The following PTPRR variants were observed in gnomAD, a reference collection of about 807,000 sequenced individuals.
PTPRR encodes the protein receptor-type tyrosine-protein phosphatase R.
Under a neutral mutation model 77.2 loss-of-function variants are expected in PTPRR, and 38 were observed. The ratio of observed to expected loss-of-function variants is 0.49; its 90% CI spans 0.38 to 0.65. The LOEUF (loss-of-function observed/expected upper bound fraction) is 0.65, where lower values mean the gene tolerates loss of function less well. Ranked by LOEUF, PTPRR falls within the 30% of genes least tolerant of loss-of-function variation. PTPRR has a pLI of 0.00. For missense variants in PTPRR, 744 were observed against 799.2 expected, an observed-to-expected ratio of 0.93 and a Z score of 0.83; for synonymous variants, 299 against 283.1, an observed-to-expected ratio of 1.06 and a Z score of -0.57.
At chr12:70,812,412 C>A (rs1891825393) in intron 2 of PTPRR, among the ~76,000 whole-genome samples, 1 of 152,144 alleles carries the variant, frequency 6.6e-6, no homozygotes, top group South Asian at 2.1e-4. Context: ...TTTACTATCC[C>A]AGGTGGACTA....
chr12:70,698,568 T>G (rs1888314024), intron 7 of PTPRR, among the ~76,000 whole-genome samples: 1 of 152,172 alleles, frequency 6.6e-6, no homozygotes, highest in Admixed American at 6.5e-5. Flanking sequence ...TAGAAAATAT[T>G]GCTTAATATG....
chr12:70,821,604 C>G (rs1001693562), intron 2 of PTPRR, among the ~76,000 whole-genome samples: 5 of 151,950 alleles, frequency 3.3e-5, no homozygotes, highest in Non-Finnish European at 7.4e-5. Flanking sequence ...GCTAGTGCAG[C>G]TGGAGCTTAC....
chr12:70,900,379 G>C (rs147069290), intron 1 of PTPRR, among the ~76,000 whole-genome samples: 1 of 151,198 alleles, frequency 6.6e-6, no homozygotes, highest in Non-Finnish European at 1.5e-5. Context: ...ATACAAAAAT[G>C]AATTAAAGAT....
At chr12:70,749,465 A>C (rs11178390) in intron 5 of PTPRR, among the ~76,000 whole-genome samples, 2,537 of 152,314 alleles carry the variant, frequency 0.017, 27 homozygotes, top group Non-Finnish European at 0.025. Context: ...CTAATTTTTA[A>C]TGTTATTACT....
At position 70,847,956 on chromosome 12, in the gene PTPRR, G is replaced by A. The variant is rs559163286; in HGVS notation, c.357+44723C>T. On this transcript the variant is annotated intron_variant, in intron 2 of 13. Transcript: ENST00000283228. Reference sequence around the variant, plus strand: ...AAATAACTTGTAGTCAGTTGCTTTCGGGGTATCCCCTTCATCTTTTCCCTG... The same window carrying A: ...AAATAACTTGTAGTCAGTTGCTTTCAGGGTATCCCCTTCATCTTTTCCCTG... Among the ~76,000 whole-genome samples, 31 of 152,138 alleles carry A rather than the reference G, an allele frequency of 2.0e-4. No homozygotes were observed. The South Asian group carries it at 3.3e-3, about 16-fold the overall frequency.
In PTPRR at chr12:70,911,652, A is replaced by T. The variant is rs1056905250; in HGVS notation, c.58+8681T>A. Among the ~76,000 whole-genome samples, 3 of 149,726 alleles carry T rather than the reference A, an allele frequency of 2.0e-5. No individual in the cohort carries two copies. In the East Asian group the frequency reaches 6.1e-4, roughly 31 times the overall value. On this transcript the variant is annotated intron_variant, in intron 1 of 13. Coordinates refer to ENST00000283228, the MANE Select transcript of PTPRR (RefSeq NM_002849.4). ...TTGGGAGAGATATCTGCAGGGAGGT[A>T]GATATTTTCGAGCTTCATAGTCCAC... is the stretch of plus-strand genomic sequence containing the variant.
intron 1 of PTPRR, among the ~76,000 whole-genome samples, chr12:70,907,496 C>A (rs4638407): frequency 1.3e-5 from 2 of 152,002 alleles, no homozygotes; most frequent in Non-Finnish European, 2.9e-5. Context: ...AATTGACAAC[C>A]GTTTCAGGAA....
chr12:70,641,566 T>C (rs118172494), intron 13 of PTPRR, among the ~76,000 whole-genome samples: 5,457 of 152,336 alleles, frequency 0.036, 140 homozygotes, highest in Middle Eastern at 0.13. Flanking sequence ...TACTCATTAA[T>C]TGTGGGCTGG....
chr12:70,776,484 T>C (rs1026262434), intron 2 of PTPRR, among the ~76,000 whole-genome samples: 2 of 152,164 alleles, frequency 1.3e-5, no homozygotes, highest in African/African-American at 4.8e-5. Flanking sequence ...CAAAATACTC[T>C]GAAAAAATCT....
At position 70,919,673 on chromosome 12, in the gene PTPRR, G is replaced by GTTT. The variant is rs58439089; in HGVS notation, c.58+657_58+659dup. ...GGTTGTCAGCTTTGGAACTGTAATT[G>GTTT]TTTTTTTTTTTTTTTTTTTTTTTTT... On this transcript the variant is annotated intron_variant, in intron 1 of 13. Transcript: ENST00000283228. 6.9e-3 allele frequency among the ~76,000 whole-genome samples: 761 copies of GTTT among 109,940 alleles called. 62 individuals are homozygous for GTTT. Among genetic ancestry groups the GTTT allele is most frequent in the Non-Finnish European group, 0.01 (533 of 52,280 alleles). The allele number at this position is 109,940 out of a possible 152,430, so 72.1% of individuals were successfully genotyped here. A position where few individuals can be genotyped will look rare whatever the true frequency, so the allele number is the denominator to read the frequency against.
intron 13 of PTPRR, among the ~76,000 whole-genome samples, chr12:70,640,344 T>A (rs28413554): frequency 7.7e-6 from 1 of 129,756 alleles, no homozygotes; most frequent in Non-Finnish European, 1.6e-5. Context: ...AATTTTTAAA[T>A]TTTTTTTTTC....
intron 2 of PTPRR, among the ~76,000 whole-genome samples, chr12:70,872,125 T>G (rs1216871046): frequency 2.0e-5 from 3 of 151,666 alleles, no homozygotes; most frequent in Middle Eastern, 3.4e-3. Flanking sequence ...CCACATTTAG[T>G]TTTTTTTTCT....
chr12:70,747,092 T>A (rs1176974285), intron 5 of PTPRR, among the ~76,000 whole-genome samples: 2 of 152,194 alleles, frequency 1.3e-5, no homozygotes, highest in African/African-American at 2.4e-5. Flanking sequence ...GCAAGTGTAA[T>A]GTGTTTTTTT....
intron 2 of PTPRR, among the ~76,000 whole-genome samples, chr12:70,804,721 T>C (rs1891679086): frequency 6.6e-6 from 1 of 152,206 alleles, no homozygotes; most frequent in African/African-American, 2.4e-5. Flanking sequence ...GTCTGTTTCC[T>C]GGTTCCTGGC....
chr12:70,754,349 A>C, intron 4 of PTPRR, 48 bp from the exon 5 acceptor site: 1 of 1,607,968 alleles, frequency 6.2e-7, no homozygotes, highest in Non-Finnish European at 8.5e-7. Flanking sequence ...AGCTTGAGAA[A>C]ACTGGCGTTC....
intron 2 of PTPRR, among the ~76,000 whole-genome samples, chr12:70,882,529 C>A (rs1000956013): frequency 1.3e-4 from 20 of 152,114 alleles, no homozygotes; most frequent in African/African-American, 4.8e-4. Flanking sequence ...TCCGGCAAGA[C>A]GCAAGAGTTT....
In PTPRR at chr12:70,865,503, C is replaced by T. The variant is rs1892828407; in HGVS notation, c.357+27176G>A. ...TAAAATGATGATGAGAAATGCCTCG[C>T]CTAGGTGTTGGTGGATTAAAGGCTG... On this transcript the variant is annotated intron_variant, in intron 2 of 13. Transcript: ENST00000283228. Among the ~76,000 whole-genome samples the T allele has an allele frequency of 2.0e-5, 3 of 151,948 alleles. No homozygotes were observed. The South Asian group carries it at 6.2e-4, about 32-fold the overall frequency.
intron 1 of PTPRR, among the ~76,000 whole-genome samples, chr12:70,912,785 A>G (rs1038000406): frequency 6.6e-6 from 1 of 152,220 alleles, no homozygotes; most frequent in Non-Finnish European, 1.5e-5. Flanking sequence ...AGGCACTTAT[A>G]GTTACATTAT....
At chr12:70,910,668 C>A (rs1893686816) in intron 1 of PTPRR, among the ~76,000 whole-genome samples, 1 of 152,080 alleles carries the variant, frequency 6.6e-6, no homozygotes, top group Non-Finnish European at 1.5e-5. Flanking sequence ...CAGGCATTCC[C>A]AGTTTGAGGA....
Sources: allele counts gnomAD v4.1 joint callset (sites outside exome capture counted in the v4.1 genomes callset), GRCh38; gene constraint gnomAD v4.1.1; transcripts MANE v1.5; gene names NCBI Gene and HGNC (gene_info 2026-07-23, HGNC 2026-07-21).